Variants in SREK1IP1 observed in about 807,000 individuals in gnomAD.
SREK1IP1 encodes SREK1 interacting protein 1, also known as protein SREK1IP1.
Under a neutral mutation model 22.8 loss-of-function variants are expected in SREK1IP1, and 12 were observed. The ratio of observed to expected loss-of-function variants is 0.53; its 90% CI spans 0.34 to 0.85. The LOEUF (loss-of-function observed/expected upper bound fraction) is 0.85, where lower values mean the gene tolerates loss of function less well. Ranked by LOEUF, SREK1IP1 falls within the 40% of genes least tolerant of loss-of-function variation. The probability of loss-of-function intolerance (pLI) is 0.02; values close to 1 mark genes in which losing one functional copy is unlikely to be tolerated. For missense variants in SREK1IP1, 147 were observed against 171.8 expected, an observed-to-expected ratio of 0.86 and a Z score of 0.81; for synonymous variants, 53 against 52.7, an observed-to-expected ratio of 1.01 and a Z score of -0.02.
At chr5:64,747,831 A>G (rs7734453) in intron 2 of SREK1IP1, among the ~76,000 whole-genome samples, 9,561 of 152,012 alleles carry the variant, frequency 0.063, 971 homozygotes, top group African/African-American at 0.22. Flanking sequence ...GGGAGGCTGA[A>G]GCAAGAGAAT....
At chr5:64,760,279 C>T (rs535230895) in intron 1 of SREK1IP1, among the ~76,000 whole-genome samples, 24 of 152,164 alleles carry the variant, frequency 1.6e-4, no homozygotes, top group Non-Finnish European at 2.9e-4. Flanking sequence ...GGGACAAACA[C>T]CACCACTTTA....
chr5:64,727,553 A>ATATATATATATATATATATATT, intron 4 of SREK1IP1: 48 of 84,646 alleles, frequency 5.7e-4, no homozygotes, highest in African/African-American at 2.5e-3. Context: ...ATATATATAT[A>ATATATATATATATATATATATT]TTTTTTTTTT....
In SREK1IP1 at chr5:64,724,449, T is replaced by G; in HGVS notation, c.403A>C (p.Lys135Gln). 1 of 1,589,090 alleles carries G rather than the reference T, an allele frequency of 6.3e-7. No individual in the cohort carries two copies. Among genetic ancestry groups the G allele is most frequent in the Non-Finnish European group, 8.5e-7 (1 of 1,173,574 alleles). ...SKKGKHHKKE[K>Q]KKRKKEKHSS... ...TGCTTTTCCTTTTTTCTCTTCTTTT[T>G]TTCCTTTTTGTGATGTTTCCCTTTT... The change falls in exon 5 of 5, where the codon AAA becomes CAA. Residue 135 changes from lysine to glutamine, a missense_variant. Transcript: ENST00000513458.
At chr5:64,746,506 G>C (rs890627819) in intron 2 of SREK1IP1, among the ~76,000 whole-genome samples, 3 of 152,074 alleles carry the variant, frequency 2.0e-5, no homozygotes, top group African/African-American at 7.2e-5. Context: ...ACACAACCTA[G>C]TTAAAAAATG....
intron 3 of SREK1IP1, among the ~76,000 whole-genome samples, chr5:64,739,572 T>C (rs968981217): frequency 6.6e-6 from 1 of 152,172 alleles, no homozygotes; most frequent in Non-Finnish European, 1.5e-5. Flanking sequence ...ATTTAGCTTT[T>C]TCAAGAGTGT....
intron 3 of SREK1IP1, among the ~76,000 whole-genome samples, chr5:64,733,866 G>C (rs533366180): frequency 7.9e-5 from 12 of 152,212 alleles, no homozygotes; most frequent in Middle Eastern, 3.4e-3. Context: ...AAGCTCATCA[G>C]AAGGGTTACA....
intron 3 of SREK1IP1, among the ~76,000 whole-genome samples, chr5:64,739,734 T>C (rs75428896): frequency 0.037 from 5,690 of 152,110 alleles, 374 homozygotes; most frequent in African/African-American, 0.13. Flanking sequence ...AAAGTGTGTG[T>C]ATTCAATCAA....
chr5:64,754,425 T>C (rs1742802353), intron 1 of SREK1IP1, 63 bp from the exon 2 acceptor site: 21 of 1,510,708 alleles, frequency 1.4e-5, no homozygotes, highest in South Asian at 7.0e-5. Context: ...AAAAACTTTA[T>C]TGTATGAAAA....
chr5:64,749,503 C>A (rs562797482), intron 2 of SREK1IP1, among the ~76,000 whole-genome samples: 2 of 151,908 alleles, frequency 1.3e-5, no homozygotes, highest in African/African-American at 4.8e-5. Context: ...GTGGCACAAT[C>A]TTAGCTCACT....
intron 1 of SREK1IP1, among the ~76,000 whole-genome samples, chr5:64,759,971 C>T (rs1742917699): frequency 6.6e-6 from 1 of 152,226 alleles, no homozygotes; most frequent in African/African-American, 2.4e-5. Context: ...ACACAACAAT[C>T]TCACATTTGG....
chr5:64,749,468 G>A (rs2112103847), intron 2 of SREK1IP1, among the ~76,000 whole-genome samples: 1 of 151,400 alleles, frequency 6.6e-6, no homozygotes, highest in East Asian at 1.9e-4. Flanking sequence ...AGAGGGTCTG[G>A]CTCTGTTACC....
intron 1 of SREK1IP1, among the ~76,000 whole-genome samples, chr5:64,768,252 C>T (rs1300457098): frequency 6.6e-6 from 1 of 152,238 alleles, no homozygotes; most frequent in African/African-American, 2.4e-5. Flanking sequence ...CTCCTCCCTC[C>T]CTTCCACAAT....
At chr5:64,738,045 A>G (rs1056513100) in intron 3 of SREK1IP1, among the ~76,000 whole-genome samples, 3 of 152,194 alleles carry the variant, frequency 2.0e-5, no homozygotes, top group Non-Finnish European at 4.4e-5. Flanking sequence ...AGAACTGGAG[A>G]GAAGAGATCA....
At position 64,741,104 on chromosome 5, in the gene SREK1IP1, T is replaced by C. The variant is rs777054950; in HGVS notation, c.158A>G (p.Asp53Gly). The change falls in exon 3 of 5, where the codon GAT becomes GGT. Residue 53 changes from aspartate (D) to glycine (G), a missense_variant. Physicochemically the swap from Asp to Gly is moderately conservative, Grantham distance 94. Transcript: ENST00000513458. ...DVSSTSSEDS[D>G]EENEELNKLQ... ...TTTATTCAGTTCTTCATTCTCTTCA[T>C]CGCTATCTTCACTACTTGTACTGCT... is the stretch of plus-strand genomic sequence containing the variant. 42 of 1,612,956 alleles carry C rather than the reference T, an allele frequency of 2.6e-5. 1 individual carries two copies. In the South Asian group the frequency reaches 4.4e-4, roughly 17 times the overall value.
chr5:64,736,397 A>C (rs1004212829), intron 3 of SREK1IP1, among the ~76,000 whole-genome samples: 3 of 152,112 alleles, frequency 2.0e-5, no homozygotes, highest in African/African-American at 4.8e-5. Context: ...TATCCATAAG[A>C]ATTTTTATTT....
In SREK1IP1 at chr5:64,767,486, GTAC is replaced by G. The variant is rs554580397; in HGVS notation, c.13+1016_13+1018del. Among the ~76,000 whole-genome samples, 992 of 152,214 alleles carry G rather than the reference GTAC, an allele frequency of 6.5e-3. 7 individuals carry two copies. Among genetic ancestry groups the G allele is most frequent in the Non-Finnish European group, 9.9e-3 (676 of 68,012 alleles). On this transcript the variant is annotated intron_variant, in intron 1 of 4. Transcript: ENST00000513458. ...CATTTCCTCTCTCACAGCTCCAGAT[GTAC>G]TCCTCCGCAAACTTCAGTTAGTACA...
chr5:64,728,973 A>G (rs1419709386), intron 3 of SREK1IP1, among the ~76,000 whole-genome samples: 2 of 152,134 alleles, frequency 1.3e-5, no homozygotes, highest in Non-Finnish European at 2.9e-5. Context: ...CGGGTGGATC[A>G]TGAGGTCAGA....
At chr5:64,767,554 G>C (rs1375154479) in intron 1 of SREK1IP1, among the ~76,000 whole-genome samples, 2 of 152,184 alleles carry the variant, frequency 1.3e-5, no homozygotes, top group Non-Finnish European at 2.9e-5. Flanking sequence ...GTAGAAGGAG[G>C]TTCAAAAAGG....
chr5:64,741,317 G>C, intron 2 of SREK1IP1, 117 bp from the exon 3 acceptor site: 3 of 1,004,538 alleles, frequency 3.0e-6, no homozygotes, highest in Non-Finnish European at 4.4e-6. Flanking sequence ...ATATAATGTA[G>C]AAAGCTTTAA....
Sources: allele counts gnomAD v4.1 joint callset (sites outside exome capture counted in the v4.1 genomes callset), GRCh38; gene constraint gnomAD v4.1.1; transcripts MANE v1.5; gene names NCBI Gene and HGNC (gene_info 2026-07-23, HGNC 2026-07-21).